The following ITGA11 variants were observed in gnomAD, a reference collection of about 807,000 sequenced individuals.
ITGA11 encodes integrin alpha-11.
In ITGA11, 97 loss-of-function variants were observed where a neutral mutation model predicts 141.9. The observed-to-expected ratio is 0.68, with a 90% CI of 0.58 to 0.81. The LOEUF is 0.81. Ranked by LOEUF, ITGA11 falls within the 30% of genes least tolerant of loss-of-function variation. The pLI is 0.00. For synonymous variants in ITGA11, 658 were observed against 624.6 expected, an observed-to-expected ratio of 1.05 and a Z score of -0.80; for missense variants, 1,387 against 1,559.2, an observed-to-expected ratio of 0.89 and a Z score of 1.86.
intron 21 of ITGA11, among the ~76,000 whole-genome samples, chr15:68,316,888 G>A (rs1166250804): frequency 6.6e-6 from 1 of 152,214 alleles, no homozygotes; most frequent in Non-Finnish European, 1.5e-5. Flanking sequence ...GCACAGTTGG[G>A]TGGTAGGTAC....
intron 1 of ITGA11, among the ~76,000 whole-genome samples, chr15:68,416,266 A>T (rs529467777): frequency 3.3e-5 from 5 of 152,112 alleles, no homozygotes; most frequent in African/African-American, 1.2e-4. Flanking sequence ...AAAACAATCA[A>T]TCTGGGGCTG....
intron 24 of ITGA11, among the ~76,000 whole-genome samples, chr15:68,312,400 A>T (rs1477234409): frequency 1.3e-5 from 2 of 152,142 alleles, no homozygotes; most frequent in African/African-American, 4.8e-5. Flanking sequence ...GGAGGCTGGT[A>T]AGTTCACGCT....
chr15:68,348,741 T>C, intron 10 of ITGA11, 89 bp downstream of exon 10: 1 of 1,147,682 alleles, frequency 8.7e-7, no homozygotes, highest in Non-Finnish European at 1.3e-6. Flanking sequence ...TCTGTGAAGG[T>C]GGATGACAGA....
intron 1 of ITGA11, among the ~76,000 whole-genome samples, chr15:68,407,468 T>C (rs1228822932): frequency 6.6e-6 from 1 of 152,202 alleles, no homozygotes; most frequent in Non-Finnish European, 1.5e-5. Flanking sequence ...CGCCTCCTTT[T>C]ATGGTAGATG....
intron 9 of ITGA11, among the ~76,000 whole-genome samples, chr15:68,350,070 G>A (rs972801509): frequency 2.6e-5 from 4 of 152,226 alleles, no homozygotes; most frequent in African/African-American, 9.7e-5. Context: ...ACTCCGTTGA[G>A]TTTCAGTTTT....
chr15:68,393,544 C>A (rs921192136), intron 2 of ITGA11, among the ~76,000 whole-genome samples: 4 of 151,956 alleles, frequency 2.6e-5, no homozygotes, highest in Admixed American at 2.6e-4. Flanking sequence ...AACTGTAAAG[C>A]CAATAGACAA....
chr15:68,429,130 A>T lies in ITGA11; in HGVS notation c.52+2885T>A, dbSNP rs75319352. On this transcript the variant is annotated intron_variant, in intron 1 of 29. Coordinates refer to ENST00000315757, the MANE Select transcript of ITGA11 (RefSeq NM_001004439.2). ...GACAACCTCCTTGAGTGCTTAATAC[A>T]TGCCTGGCACTTTCTAAGCATTAAT... Among the ~76,000 whole-genome samples, 454 of 152,322 alleles carry T rather than the reference A, an allele frequency of 3.0e-3. 16 individuals carry two copies. The East Asian group carries it at 0.076, about 26-fold the overall frequency.
chr15:68,364,696 G>A lies in ITGA11; in HGVS notation c.357+11C>T. The A allele has an allele frequency of 1.2e-6, 2 of 1,609,328 alleles. No individual in the cohort carries two copies. The highest frequency in any genetic ancestry group is 1.7e-6 in the Non-Finnish European group (2 of 1,175,940). On this transcript the variant is annotated intron_variant, in intron 4 of 29. Coordinates refer to ENST00000315757, the MANE Select transcript of ITGA11 (RefSeq NM_001004439.2). Reference sequence around the variant, plus strand: ...CTCTCCTGACCCCAAGCAGTGGCAGGTGGCTCTTACCAGGAAGCTGTTGTC... The same window carrying A: ...CTCTCCTGACCCCAAGCAGTGGCAGATGGCTCTTACCAGGAAGCTGTTGTC...
chr15:68,365,979 T>A (rs1567146319), intron 3 of ITGA11, among the ~76,000 whole-genome samples: 1 of 152,050 alleles, frequency 6.6e-6, no homozygotes. Context: ...AGTCTGGGGG[T>A]GGGCCGCTGG....
intron 1 of ITGA11, among the ~76,000 whole-genome samples, chr15:68,419,784 G>C (rs1896973729): frequency 6.6e-6 from 1 of 152,224 alleles, no homozygotes; most frequent in Non-Finnish European, 1.5e-5. Flanking sequence ...CCTTGGGCAA[G>C]ACACTTGACC....
At position 68,311,344 on chromosome 15, in the gene ITGA11, G is replaced by C. The variant is rs200761705; in HGVS notation, c.3033C>G (p.Ile1011Met). The C allele has an allele frequency of 1.3e-6, 2 of 1,578,814 alleles. No individual in the cohort carries two copies. The highest frequency in any genetic ancestry group is 4.6e-5 in the East Asian group (2 of 43,192). ...GTAGGCGGTTGCCGCTCCTGGTGGCGATGGGAATGGTGATCTTCATCATCA... is the reference window on the plus strand; with the variant it reads ...GTAGGCGGTTGCCGCTCCTGGTGGCCATGGGAATGGTGATCTTCATCATCA... The part of the protein sequence containing the change: ...HGMMMKITIP[I>M]ATRSGNRLLK... Residue 1011 changes from isoleucine to methionine, a missense_variant, in exon 25 of 30, where the codon ATC becomes ATG. Physicochemically the swap from Ile to Met is conservative, Grantham distance 10. Coordinates refer to ENST00000315757, the MANE Select transcript of ITGA11 (RefSeq NM_001004439.2).
At chr15:68,349,592 G>A (rs1305271884) in intron 9 of ITGA11, among the ~76,000 whole-genome samples, 1 of 152,138 alleles carries the variant, frequency 6.6e-6, no homozygotes, top group East Asian at 1.9e-4. Context: ...TAGTCTCTTC[G>A]TGTGTCTGTG....
intron 14 of ITGA11, 57 bp from the exon 15 acceptor site, chr15:68,331,168 C>T (rs959770897): frequency 2.5e-5 from 37 of 1,481,592 alleles, no homozygotes; most frequent in Admixed American, 2.3e-4. Context: ...TGGGGGCGGG[C>T]GTCCCCGAGC....
chr15:68,382,233 C>T (rs369308974), intron 2 of ITGA11, among the ~76,000 whole-genome samples: 1 of 152,148 alleles, frequency 6.6e-6, no homozygotes, highest in Non-Finnish European at 1.5e-5. Context: ...GAAATGTCCT[C>T]CTCCTGGGTT....
rs956422164 is a variant in ITGA11, at chr15:68,305,122, G to A, written c.3382-1237C>T. 4.6e-5 allele frequency among the ~76,000 whole-genome samples: 7 copies of A among 152,192 alleles called. No individual in the cohort carries two copies. Among genetic ancestry groups the A allele is most frequent in the African/African-American group, 1.7e-4 (7 of 41,450 alleles). On this transcript the variant is annotated intron_variant, in intron 28 of 29. Coordinates refer to ENST00000315757, the MANE Select transcript of ITGA11 (RefSeq NM_001004439.2). The surrounding 1 kb of genome is among the most constrained non-coding windows in gnomAD (Gnocchi z 4.6). ...ACCTGTCTTGCTGACCTCACCTCCTGCTCCCTCTTGCTTTACTCCAGCTTT... is the reference window on the plus strand; with the variant it reads ...ACCTGTCTTGCTGACCTCACCTCCTACTCCCTCTTGCTTTACTCCAGCTTT...
chr15:68,422,638 G>C (rs1466632907), intron 1 of ITGA11, among the ~76,000 whole-genome samples: 2 of 151,978 alleles, frequency 1.3e-5, no homozygotes, highest in African/African-American at 4.8e-5. Context: ...AAATCCAAAT[G>C]CCTTAGTTGG....
chr15:68,307,576 C>T lies in ITGA11; in HGVS notation c.3285+10G>A. The T allele has an allele frequency of 1.9e-6, 3 of 1,598,176 alleles. No homozygotes were observed. The highest frequency in any genetic ancestry group is 3.4e-5 in the Admixed American group (2 of 59,440). On this transcript the variant is annotated intron_variant, in intron 27 of 29. Coordinates refer to ENST00000315757, the MANE Select transcript of ITGA11 (RefSeq NM_001004439.2). The surrounding 1 kb of genome is among the most constrained non-coding windows in gnomAD (Gnocchi z 6.1). The stretch of plus-strand genomic sequence containing the variant: ...TCTTCCTTCCAGCCCAGCCCAGGGG[C>T]TCTACTTACTGCTTTTAGGGACCTC...
chr15:68,312,565 A>G (rs1893424880), intron 24 of ITGA11, among the ~76,000 whole-genome samples: 1 of 152,202 alleles, frequency 6.6e-6, no homozygotes, highest in Non-Finnish European at 1.5e-5. Flanking sequence ...CTTCACCCAT[A>G]CATCCCCCAC....
intron 2 of ITGA11, among the ~76,000 whole-genome samples, chr15:68,401,689 G>C (rs190340655): frequency 6.6e-6 from 1 of 152,100 alleles, no homozygotes; most frequent in African/African-American, 2.4e-5. Flanking sequence ...TCCCTGGAGG[G>C]GCACTGGCTG....
Sources: allele counts gnomAD v4.1 joint callset (sites outside exome capture counted in the v4.1 genomes callset), GRCh38; gene constraint gnomAD v4.1.1; non-coding constraint Gnocchi (gnomAD v3.1); transcripts MANE v1.5; gene names NCBI Gene and HGNC (gene_info 2026-07-23, HGNC 2026-07-21).